Variants in LYN observed in about 807,000 individuals in gnomAD.
LYN encodes the protein LYN proto-oncogene, Src family tyrosine kinase.
LYN carries 12 observed loss-of-function variants against 65.0 expected under a neutral mutation model. That is an observed-to-expected ratio of 0.18 (90% CI 0.12 to 0.30). LYN has a LOEUF of 0.30. Among genes scored for constraint, LYN ranks in the 10% least tolerant of loss-of-function variants. LYN has a pLI of 1.00. For missense variants in LYN, 380 were observed against 623.2 expected (o/e 0.61, Z 4.16); for synonymous variants, 222 against 221.2 (o/e 1.00, Z -0.03).
rs767213766 is a variant in LYN at position 55,950,711 on chromosome 8, C to T, written c.414C>T (p.Asp138=). ...EWFFKDITRK[D]AERQLLAPGN... Reference sequence around the variant, plus strand: ...TTTTCAAGGATATAACCAGGAAGGACGCAGAAAGGCAGCTTTTGGCACCAG... The same window carrying T: ...TTTTCAAGGATATAACCAGGAAGGATGCAGAAAGGCAGCTTTTGGCACCAG... Residue 138 remains aspartate (D), a synonymous_variant, in exon 6 of 13, where the codon GAC becomes GAT. Coordinates refer to ENST00000519728, the MANE Select transcript of LYN (RefSeq NM_002350.4). The T allele has an allele frequency of 2.5e-5, 40 of 1,613,718 alleles. No homozygotes were observed. Among genetic ancestry groups the T allele is most frequent in the East Asian group, 1.3e-4 (6 of 44,876 alleles).
chr8:55,945,551 A>C (rs1053794621), intron 2 of LYN, among the ~76,000 whole-genome samples: 1 of 152,234 alleles, frequency 6.6e-6, no homozygotes, highest in Non-Finnish European at 1.5e-5. Flanking sequence ...CTGTGAAGCC[A>C]CTTTAATCAA....
intron 10 of LYN, among the ~76,000 whole-genome samples, chr8:55,972,121 C>T (rs1210060646): frequency 6.6e-6 from 1 of 152,200 alleles, no homozygotes; most frequent in Non-Finnish European, 1.5e-5. Context: ...CTAGCAGTGG[C>T]CCCTTGGTGG....
chr8:55,955,314 T>C (rs7815149), intron 8 of LYN: 14,255 of 152,234 alleles, frequency 0.094, 1,466 homozygotes, highest in African/African-American at 0.26. Flanking sequence ...CTGCACATAT[T>C]TGCAGAATTC....
At chr8:55,903,165 A>T (rs554014760) in intron 1 of LYN, among the ~76,000 whole-genome samples, 1 of 150,232 alleles carries the variant, frequency 6.7e-6, no homozygotes, top group East Asian at 2.0e-4. Flanking sequence ...GCTAATTTTT[A>T]TATATTTGGT....
At chr8:55,991,834 A>G (rs1275417877) in intron 10 of LYN, among the ~76,000 whole-genome samples, 1 of 152,226 alleles carries the variant, frequency 6.6e-6, no homozygotes, top group Non-Finnish European at 1.5e-5. Context: ...CAGCACAGGT[A>G]GAAAATACCA....
chr8:55,926,594 G>T (rs72651480), intron 1 of LYN, among the ~76,000 whole-genome samples: 25,547 of 152,212 alleles, frequency 0.17, 2,454 homozygotes, highest in Middle Eastern at 0.3. Context: ...AAGATCTAAT[G>T]AAATTCTATT....
intron 1 of LYN, among the ~76,000 whole-genome samples, chr8:55,906,209 A>T (rs917088285): frequency 1.3e-5 from 2 of 152,166 alleles, no homozygotes; most frequent in Non-Finnish European, 2.9e-5. Flanking sequence ...GTTGTGAAAG[A>T]GTATATGAAC....
chr8:55,938,041 T>A (rs1436038947), intron 1 of LYN, among the ~76,000 whole-genome samples: 3 of 152,196 alleles, frequency 2.0e-5, no homozygotes. Flanking sequence ...TCCCAGAGTC[T>A]GGGAATAAAA....
chr8:55,948,114 C>T (rs1031881994), intron 4 of LYN, among the ~76,000 whole-genome samples: 1 of 152,184 alleles, frequency 6.6e-6, no homozygotes, highest in Non-Finnish European at 1.5e-5. Context: ...GCTAGGACTA[C>T]AGGCATGTGC....
Position 55,908,642 on chromosome 8 carries a change from A to G in LYN, c.-6+28539A>G, listed in dbSNP as rs77060457. Reference sequence around the variant, plus strand: ...AGAGGTGCAAGTGCAGTTTTGTTACACGGATATATTGCAGAGTGGTGAAGT... The same window carrying G: ...AGAGGTGCAAGTGCAGTTTTGTTACGCGGATATATTGCAGAGTGGTGAAGT... On this transcript the variant is annotated intron_variant, in intron 1 of 12. Coordinates refer to ENST00000519728, the MANE Select transcript of LYN (RefSeq NM_002350.4). 8.9e-3 allele frequency among the ~76,000 whole-genome samples: 1,354 copies of G among 152,164 alleles called. 10 individuals are homozygous for G. Among genetic ancestry groups the G allele is most frequent in the Non-Finnish European group, 0.014 (946 of 67,996 alleles).
In LYN at chr8:55,947,613, T is replaced by C. The variant is rs769832033; in HGVS notation, c.179-5T>C. The C allele has an allele frequency of 6.2e-7, 1 of 1,602,876 alleles. No individual in the cohort carries two copies. The highest frequency in any genetic ancestry group is 1.1e-5 in the South Asian group (1 of 90,898). On this transcript the variant is annotated splice_region_variant and splice_polypyrimidine_tract_variant and intron_variant, in intron 3 of 12. Transcript: ENST00000519728. ...TTACAGGTGTTCTCTTGTGTTCATCTTTAGATCCAGAGGAACAAGGAGACA... is the reference window on the plus strand; with the variant it reads ...TTACAGGTGTTCTCTTGTGTTCATCCTTAGATCCAGAGGAACAAGGAGACA...
intron 1 of LYN, among the ~76,000 whole-genome samples, chr8:55,941,084 C>T (rs962594588): frequency 6.6e-6 from 1 of 152,180 alleles, no homozygotes; most frequent in African/African-American, 2.4e-5. Context: ...GAAAGCCAGG[C>T]CATCTTCCTA....
chr8:55,974,802 A>G lies in LYN; in HGVS notation c.1050+5009A>G, dbSNP rs933760331. 3.2e-4 allele frequency among the ~76,000 whole-genome samples: 48 copies of G among 152,160 alleles called. 1 individual carries two copies. The highest frequency in any genetic ancestry group is 1.1e-3 in the African/African-American group (46 of 41,418). ...ATCTTCAAAGCCTTGATTAGTAACAACCTTTGATTGATAGCGTCCTCATGT... is the reference window on the plus strand; with the variant it reads ...ATCTTCAAAGCCTTGATTAGTAACAGCCTTTGATTGATAGCGTCCTCATGT... On this transcript the variant is annotated intron_variant, in intron 10 of 12. Coordinates refer to ENST00000519728, the MANE Select transcript of LYN (RefSeq NM_002350.4).
At chr8:55,911,131 A>ATACATATATATACGTGTATATATG (rs1805600040) in intron 1 of LYN, among the ~76,000 whole-genome samples, 1 of 9,164 alleles carries the variant, frequency 1.1e-4, no homozygotes. Context: ...ATATATACAC[A>ATACATATATATACGTGTATATATG]TACATATATA....
intron 1 of LYN, among the ~76,000 whole-genome samples, chr8:55,888,799 C>T (rs571527270): frequency 2.9e-4 from 44 of 152,090 alleles, no homozygotes; most frequent in African/African-American, 1.0e-3. Flanking sequence ...TGCAGTGGTA[C>T]GATCTCACTC....
At chr8:55,978,482 G>A (rs1807822000) in intron 10 of LYN, among the ~76,000 whole-genome samples, 2 of 152,226 alleles carry the variant, frequency 1.3e-5, no homozygotes, top group Non-Finnish European at 2.9e-5. Flanking sequence ...CTAGAGATGG[G>A]CAGCTAGCGT....
chr8:55,998,103 T>A (rs1453175126), intron 10 of LYN, among the ~76,000 whole-genome samples: 1 of 151,862 alleles, frequency 6.6e-6, no homozygotes, highest in East Asian at 1.9e-4. Context: ...AAAGAAAATG[T>A]TAAGACATGT....
chr8:55,942,986 A>G (rs1806669902), intron 2 of LYN, among the ~76,000 whole-genome samples: 1 of 152,204 alleles, frequency 6.6e-6, no homozygotes, highest in South Asian at 2.1e-4. Flanking sequence ...GTGAATTAAA[A>G]TATTAAGGAA....
chr8:55,908,223 ATT>A (rs1805486364), intron 1 of LYN, among the ~76,000 whole-genome samples: 1 of 19,198 alleles, frequency 5.2e-5, no homozygotes, highest in Admixed American at 4.9e-4. Context: ...TGTTTAAACC[ATT>A]TATTTATTTA....
Sources: allele counts gnomAD v4.1 joint callset (sites outside exome capture counted in the v4.1 genomes callset), GRCh38; gene constraint gnomAD v4.1.1; transcripts MANE v1.5; gene names NCBI Gene and HGNC (gene_info 2026-07-23, HGNC 2026-07-21).